SPIDR: variants seen among roughly 807,000 people sequenced by gnomAD.
SPIDR encodes the protein DNA repair-scaffolding protein.
A neutral mutation model predicts 104.6 loss-of-function variants in SPIDR; 93 were observed. That is an observed-to-expected ratio of 0.89 (90% CI 0.75 to 1.06). The LOEUF (loss-of-function observed/expected upper bound fraction) is 1.06, where lower values mean the gene tolerates loss of function less well. Ranked by LOEUF, SPIDR falls within the 50% of genes least tolerant of loss-of-function variation. The pLI, the probability that SPIDR is intolerant of heterozygous loss-of-function variation, is 0.00. For missense variants in SPIDR, 1,154 were observed against 1,111.2 expected, an observed-to-expected ratio of 1.04 and a Z score of -0.55; for synonymous variants, 431 against 416.9, an observed-to-expected ratio of 1.03 and a Z score of -0.41.
chr8:47,320,466 A>G (rs2046332519), intron 5 of SPIDR, among the ~76,000 whole-genome samples: 1 of 152,166 alleles, frequency 6.6e-6, no homozygotes, highest in African/African-American at 2.4e-5. Context: ...TAGCTTACCA[A>G]ACAAAAAAAG....
chr8:47,277,669 C>CTTTTT (rs1209041690), intron 1 of SPIDR, among the ~76,000 whole-genome samples: 1 of 110,502 alleles, frequency 9.0e-6, no homozygotes, highest in African/African-American at 3.5e-5. Flanking sequence ...TGTTTAACCT[C>CTTTTT]TTTTTTTTTT....
At chr8:47,277,117 G>A (rs898297342) in intron 1 of SPIDR, 3 of 151,572 alleles carry the variant, frequency 2.0e-5, no homozygotes, top group Non-Finnish European at 2.9e-5. Context: ...TAGTAGAGAC[G>A]GGGTTTCTCC....
At chr8:47,293,632 G>C (rs2040331938) in intron 4 of SPIDR, among the ~76,000 whole-genome samples, 1 of 152,116 alleles carries the variant, frequency 6.6e-6, no homozygotes, top group African/African-American at 2.4e-5. Flanking sequence ...ATTTTTAATA[G>C]AGACAGCATT....
chr8:47,458,513 T>C (rs190149997), intron 8 of SPIDR, among the ~76,000 whole-genome samples: 2 of 152,076 alleles, frequency 1.3e-5, no homozygotes, highest in Admixed American at 6.6e-5. Flanking sequence ...GCTGAATTCG[T>C]TTATCCATTC....
In SPIDR at chr8:47,728,950, G is replaced by A. The variant is rs778920975; in HGVS notation, c.2453G>A (p.Gly818Glu). The change falls in exon 18 of 20, where the codon GGG (glycine) becomes GAG (glutamate). Residue 818 changes from glycine to glutamate, a missense_variant. Transcript: ENST00000297423. ...TATACCAGAGGCGCCTTTTCCTGTG[G>A]GGACTGCTCCCGGGTGGTCACATCT... ...RPEDRGAFSC[G>E]DCSRVVTSPV... 8 of 1,611,842 alleles carry A rather than the reference G, an allele frequency of 5.0e-6. No homozygotes were observed. In the African/African-American group the frequency reaches 9.4e-5, roughly 19 times the overall value.
chr8:47,627,323 G>A (rs1434291322), intron 10 of SPIDR, among the ~76,000 whole-genome samples: 2 of 152,016 alleles, frequency 1.3e-5, no homozygotes, highest in East Asian at 3.9e-4. Flanking sequence ...CAGCAACATG[G>A]CACATGTATA....
At chr8:47,628,538 A>G (rs1393781887) in intron 10 of SPIDR, among the ~76,000 whole-genome samples, 1 of 152,230 alleles carries the variant, frequency 6.6e-6, no homozygotes. Flanking sequence ...ACTTTGTTTC[A>G]TGTATAAAAT....
At chr8:47,407,645 A>G (rs1414234584) in intron 6 of SPIDR, among the ~76,000 whole-genome samples, 2 of 152,248 alleles carry the variant, frequency 1.3e-5, no homozygotes, top group African/African-American at 4.8e-5. Context: ...ATATTAGCCC[A>G]TATTTCTAAG....
chr8:47,353,708 A>ATTT (rs10712418), intron 5 of SPIDR, among the ~76,000 whole-genome samples: 1 of 145,408 alleles, frequency 6.9e-6, no homozygotes. Flanking sequence ...CTATACTGAG[A>ATTT]TTTTTTTTTT....
intron 10 of SPIDR, among the ~76,000 whole-genome samples, chr8:47,601,781 C>T (rs934862253): frequency 2.6e-5 from 4 of 152,150 alleles, no homozygotes; most frequent in Admixed American, 6.5e-5. Context: ...AGCAGAAGTG[C>T]AAGTGTTTTG....
chr8:47,375,062 C>T (rs573470073), intron 5 of SPIDR, among the ~76,000 whole-genome samples: 3 of 151,820 alleles, frequency 2.0e-5, no homozygotes, highest in South Asian at 4.2e-4. Context: ...CCACCTCTTC[C>T]CCCAAAAAAC....
intron 5 of SPIDR, among the ~76,000 whole-genome samples, chr8:47,378,381 C>T (rs1191696509): frequency 3.9e-5 from 6 of 152,210 alleles, no homozygotes; most frequent in African/African-American, 1.4e-4. Context: ...GGAAATCACA[C>T]TTGTTGAATG....
At chr8:47,614,663 TG>T (rs1294592342) in intron 10 of SPIDR, among the ~76,000 whole-genome samples, 1 of 152,258 alleles carries the variant, frequency 6.6e-6, no homozygotes, top group Non-Finnish European at 1.5e-5. Flanking sequence ...TATGCATGCA[TG>T]TATCTTCATC....
intron 10 of SPIDR, among the ~76,000 whole-genome samples, chr8:47,633,161 G>A (rs1390180353): frequency 1.3e-5 from 2 of 152,230 alleles, no homozygotes; most frequent in Non-Finnish European, 2.9e-5. Flanking sequence ...TGAGGCATGA[G>A]CATTTATCTG....
At chr8:47,677,206 G>A (rs764590743) in intron 11 of SPIDR, among the ~76,000 whole-genome samples, 2 of 152,172 alleles carry the variant, frequency 1.3e-5, no homozygotes, top group African/African-American at 2.4e-5. Flanking sequence ...CAAGTGGCCT[G>A]TGCGGCACTT....
rs371724425 is a variant in SPIDR, at chr8:47,713,657, A to G, written c.2341+16A>G. 17 of 1,613,656 alleles carry G rather than the reference A, an allele frequency of 1.1e-5. No individual in the cohort carries two copies. The highest frequency in any genetic ancestry group is 1.4e-5 in the Non-Finnish European group (17 of 1,179,760). On this transcript the variant is annotated intron_variant, in intron 16 of 19. Transcript: ENST00000297423. ...AGTGTTCAAGGTAGGCAGCCATCTCACAGGAATTGGTGCTTATACTTTCTT... is the reference window on the plus strand; with the variant it reads ...AGTGTTCAAGGTAGGCAGCCATCTCGCAGGAATTGGTGCTTATACTTTCTT...
At chr8:47,266,021 A>T (rs1554546407) in intron 1 of SPIDR, among the ~76,000 whole-genome samples, 1 of 151,006 alleles carries the variant, frequency 6.6e-6, no homozygotes, top group African/African-American at 2.4e-5. Context: ...AAGTGCTGGG[A>T]TGACAGGCGT....
intron 5 of SPIDR, among the ~76,000 whole-genome samples, chr8:47,298,076 A>G (rs1563519191): frequency 6.6e-6 from 1 of 152,202 alleles, no homozygotes; most frequent in Non-Finnish European, 1.5e-5. Context: ...TCCCACCAAC[A>G]GTGTAAAAGT....
chr8:47,511,485 T>TA (rs2082313137), intron 8 of SPIDR: 1 of 777,546 alleles, frequency 1.3e-6, no homozygotes, highest in Non-Finnish European at 2.4e-6. Context: ...TCCACAGCTC[T>TA]GCTGGCACCT....
Sources: gnomAD v4.1 joint callset for allele counts (sites outside exome capture counted in the v4.1 genomes callset) on GRCh38, gnomAD v4.1.1 for gene constraint, MANE v1.5 for transcripts, NCBI Gene and HGNC (gene_info 2026-07-23, HGNC 2026-07-21) for gene names.